The following GTPBP1 variants were observed in gnomAD, a reference collection of about 807,000 sequenced individuals.
GTPBP1 encodes GTP-binding protein 1.
A neutral mutation model predicts 62.0 loss-of-function variants in GTPBP1; 23 were observed. That is an observed-to-expected ratio of 0.37 (90% CI 0.27 to 0.53). GTPBP1 has a LOEUF of 0.53. Ranked by LOEUF, GTPBP1 falls within the 20% of genes least tolerant of loss-of-function variation. The probability of loss-of-function intolerance (pLI) is 0.89; values close to 1 mark genes in which losing one functional copy is unlikely to be tolerated. For missense variants in GTPBP1, 640 were observed against 917.3 expected (o/e 0.70, Z 3.90); for synonymous variants, 344 against 364.4 (o/e 0.94, Z 0.64).
intron 2 of GTPBP1, among the ~76,000 whole-genome samples, chr22:38,714,453 T>C (rs1603176834): frequency 1.6e-5 from 2 of 126,964 alleles, no homozygotes. Context: ...CACTCCAGCC[T>C]GGGTGACAGA....
chr22:38,725,742 GC>G, intron 6 of GTPBP1: 2 of 462,472 alleles, frequency 4.3e-6, no homozygotes, highest in Non-Finnish European at 7.8e-6. Context: ...CCAAACTAGG[GC>G]AGTGGTGGAG....
In GTPBP1 at chr22:38,715,973, C is replaced by T. The variant is rs1342517303; in HGVS notation, c.371C>T (p.Ala124Val). Residue 124 changes from alanine to valine, a missense_variant, in exon 3 of 12, where the codon GCG (alanine) becomes GTG (valine). By Grantham distance (64) the Ala-to-Val change is moderately conservative (BLOSUM62 0). This residue lies in a region of GTPBP1 where 215 missense variants were observed against 235.1 expected (regional missense o/e 0.91). Coordinates refer to ENST00000216044, the MANE Select transcript of GTPBP1 (RefSeq NM_004286.5). ...EASYATVKSM[A>V]EQIEADVILL... The stretch of plus-strand genomic sequence containing the variant: ...TCCTACGCCACAGTGAAGAGCATGG[C>T]GGAACAGATAGAGGCCGATGTCATC... The T allele has an allele frequency of 3.7e-6, 6 of 1,613,820 alleles. No individual in the cohort carries two copies. Among genetic ancestry groups the T allele is most frequent in the East Asian group, 2.2e-5 (1 of 44,894 alleles).
chr22:38,724,091 G>T (rs138694), intron 5 of GTPBP1, among the ~76,000 whole-genome samples: 10,032 of 152,036 alleles, frequency 0.066, 707 homozygotes, highest in African/African-American at 0.17. Context: ...CTAGAAAAGA[G>T]GCCCCATCTG....
chr22:38,739,693 G>A (rs751213197), downstream of GTPBP1: 1 of 1,605,576 alleles, frequency 6.2e-7, no homozygotes, highest in Non-Finnish European at 8.5e-7. The surrounding 1 kb of genome is among the most constrained non-coding windows in gnomAD (Gnocchi z 6.7). Flanking sequence ...CTGTGGGTGG[G>A]TGTGTGGAGA....
At chr22:38,742,484 G>A (rs537062653), downstream of GTPBP1, 17 of 1,613,612 alleles carry the variant, frequency 1.1e-5, 1 homozygote, top group African/African-American at 1.6e-4. Flanking sequence ...GCCAGTTGGA[G>A]GAAAATTCAG....
At chr22:38,712,742 G>A (rs935156628) in intron 2 of GTPBP1, among the ~76,000 whole-genome samples, 1 of 152,148 alleles carries the variant, frequency 6.6e-6, no homozygotes, top group Non-Finnish European at 1.5e-5. Context: ...AGCCCTTGGT[G>A]TGGAACAGGA....
chr22:38,738,168 C>T (rs781734474), downstream of GTPBP1: 72 of 1,613,666 alleles, frequency 4.5e-5, no homozygotes, highest in East Asian at 9.8e-4. The surrounding 1 kb of genome is among the most constrained non-coding windows in gnomAD (Gnocchi z 6.6). Context: ...AGCAGCATCC[C>T]GTACCTGAAA....
chr22:38,742,801 A>C (rs1172198446), downstream of GTPBP1: 1 of 500,804 alleles, frequency 2.0e-6, no homozygotes, highest in Non-Finnish European at 3.6e-6. Context: ...ACAGTACCGA[A>C]GTCTGATCCC....
downstream of GTPBP1, chr22:38,736,226 C>G: frequency 6.3e-7 from 1 of 1,581,274 alleles, no homozygotes; most frequent in Non-Finnish European, 8.7e-7. Flanking sequence ...GTGCTGTTCA[C>G]CCACTCCCAG....
At chr22:38,735,950 C>G, downstream of GTPBP1, 1 of 252,172 alleles carries the variant, frequency 4.0e-6, no homozygotes, top group Middle Eastern at 4.3e-4. Flanking sequence ...AGCCCCTGAC[C>G]CCAGCCAAGA....
At chr22:38,719,322 T>C (rs1440416669) in intron 4 of GTPBP1, among the ~76,000 whole-genome samples, 1 of 151,898 alleles carries the variant, frequency 6.6e-6, no homozygotes, top group Non-Finnish European at 1.5e-5. Flanking sequence ...TAATATTTTT[T>C]AAAGAGACAA....
chr22:38,742,666 C>A (rs1040367663), downstream of GTPBP1: 1 of 1,407,784 alleles, frequency 7.1e-7, no homozygotes, highest in South Asian at 1.4e-5. Flanking sequence ...ATTCCAGAGA[C>A]GTTCCAGCAT....
chr22:38,722,788 G>A (rs1256318139), intron 5 of GTPBP1: 1 of 1,602,320 alleles, frequency 6.2e-7, no homozygotes, highest in Non-Finnish European at 8.5e-7. Context: ...GCTGGATTTG[G>A]CTTGATTGTA....
intron 11 of GTPBP1, 62 bp downstream of exon 11, chr22:38,729,724 C>A (rs182170516): frequency 8.6e-6 from 11 of 1,272,020 alleles, no homozygotes; most frequent in South Asian, 1.8e-5. Context: ...TACTCTGATT[C>A]GGTGAGGGTG....
chr22:38,735,600 G>A (rs1244013525), downstream of GTPBP1: 1 of 193,552 alleles, frequency 5.2e-6, no homozygotes, highest in African/African-American at 2.4e-5. Flanking sequence ...TTGGCCCTGG[G>A]CCCCTTAGAA....
chr22:38,728,295 C>T, intron 10 of GTPBP1, 134 bp downstream of exon 10: 1 of 659,654 alleles, frequency 1.5e-6, no homozygotes, highest in East Asian at 2.7e-5. Flanking sequence ...GCCTCGGTGC[C>T]ATCTCTCTAC....
chr22:38,740,195 T>A, downstream of GTPBP1: 1 of 1,451,742 alleles, frequency 6.9e-7, no homozygotes, highest in Non-Finnish European at 9.1e-7. The surrounding 1 kb of genome is among the most constrained non-coding windows in gnomAD (Gnocchi z 4.8). Context: ...GGTGCTGCTT[T>A]GCAGGCCCCA....
intron 2 of GTPBP1, among the ~76,000 whole-genome samples, chr22:38,710,001 C>T (rs2092629164): frequency 6.6e-6 from 1 of 152,210 alleles, no homozygotes; most frequent in Admixed American, 6.5e-5. Flanking sequence ...TGCTTACCTT[C>T]ATCTTCATTA....
downstream of GTPBP1, chr22:38,740,270 G>C: frequency 6.3e-7 from 1 of 1,585,376 alleles, no homozygotes; most frequent in South Asian, 1.1e-5. This position sits in a 1 kb window ranked among gnomAD's most constrained non-coding sequence, Gnocchi z 4.8. Context: ...CACTCACGTC[G>C]TCCCGCACGG....
Sources: gnomAD v4.1 joint callset for allele counts (sites outside exome capture counted in the v4.1 genomes callset) on GRCh38, gnomAD v4.1.1 for gene constraint, gnomAD v4.1.1 regional missense constraint, Gnocchi (gnomAD v3.1) non-coding constraint, MANE v1.5 for transcripts, NCBI Gene and HGNC (gene_info 2026-07-23, HGNC 2026-07-21) for gene names.